Variants in RABGGTA observed in about 807,000 individuals in gnomAD.
The protein encoded by RABGGTA is Rab geranylgeranyltransferase subunit alpha, also known as geranylgeranyl transferase type-2 subunit alpha.
A neutral mutation model predicts 83.3 loss-of-function variants in RABGGTA; 69 were observed. The observed-to-expected ratio is 0.83, with a 90% confidence interval of 0.68 to 1.01. The LOEUF (loss-of-function observed/expected upper bound fraction) is 1.01. RABGGTA is among the 50% of genes least tolerant of loss of function. RABGGTA has a pLI of 0.00. For synonymous variants in RABGGTA, 310 were observed against 299.8 expected, an observed-to-expected ratio of 1.03 and a Z score of -0.35; for missense variants, 681 against 712.7, an observed-to-expected ratio of 0.96 and a Z score of 0.51.
chr14:24,267,573 A>G, intron 14 of RABGGTA, 87 bp downstream of exon 14: 1 of 1,046,292 alleles, frequency 9.6e-7, no homozygotes, highest in East Asian at 2.6e-5. Flanking sequence ...GAAGTCCACA[A>G]AGGCACCTGA....
At chr14:24,266,696 T>C (rs759280951) in intron 15 of RABGGTA, 80 bp downstream of exon 15, 3 of 1,374,750 alleles carry the variant, frequency 2.2e-6, no homozygotes, top group South Asian at 2.4e-5. Context: ...GCACATCTCC[T>C]TGTAGGATGG....
chr14:24,269,804 C>A (rs140037929), intron 5 of RABGGTA, 110 bp from the exon 6 acceptor site: 4 of 1,429,648 alleles, frequency 2.8e-6, no homozygotes, highest in Non-Finnish European at 3.8e-6. Flanking sequence ...GTGCACTCCA[C>A]GGAGGATGCA....
intron 13 of RABGGTA, 21 bp from the exon 14 acceptor site, chr14:24,267,797 A>G (rs1002565484): frequency 2.5e-6 from 4 of 1,611,880 alleles, no homozygotes; most frequent in Admixed American, 3.3e-5. Flanking sequence ...TGAGGTGGGC[A>G]GGGTATGCAT....
At chr14:24,265,840 G>A in intron 16 of RABGGTA, 77 bp from the exon 17 acceptor site, 1 of 1,485,884 alleles carries the variant, frequency 6.7e-7, no homozygotes, top group Non-Finnish European at 9.0e-7. Context: ...AAGAGCTGGG[G>A]ACTGCTGCCT....
At chr14:24,270,164 G>C (rs757989938) in intron 4 of RABGGTA, 24 bp from the exon 5 acceptor site, 3 of 1,591,176 alleles carry the variant, frequency 1.9e-6, no homozygotes, top group African/African-American at 2.7e-5. Flanking sequence ...GGAAGGGGGG[G>C]GTCAGGGCTC....
rs1198981275 is a variant in RABGGTA, at chr14:24,268,623, G to C, written c.901-4C>G. ...AGGCAGCAGGCAGGTCACAGAGCTGGGAGTACTGGGTCAAGGAAATGCCCC... is the reference window on the plus strand; with the variant it reads ...AGGCAGCAGGCAGGTCACAGAGCTGCGAGTACTGGGTCAAGGAAATGCCCC... On this transcript the variant is annotated splice_region_variant and splice_polypyrimidine_tract_variant and intron_variant, in intron 9 of 16. Coordinates refer to ENST00000216840, the MANE Select transcript of RABGGTA (RefSeq NM_182836.3). 1 of 1,613,616 alleles carries C rather than the reference G, an allele frequency of 6.2e-7. No homozygotes were observed. The highest frequency in any genetic ancestry group is 1.1e-5 in the South Asian group (1 of 91,078).
Position 24,265,621 on chromosome 14 carries a change from G to A in RABGGTA, c.1698C>T (p.Leu566=), listed in dbSNP as rs1007576483. Residue 566 remains leucine (L), a synonymous_variant, in exon 17 of 17, where the codon CTC becomes CTT. Coordinates refer to ENST00000216840, the MANE Select transcript of RABGGTA (RefSeq NM_182836.3). ...AELLPSVSSV[L]T Reference sequence around the variant, plus strand: ...GGGTAGGGGGCAGGGCCTCTTAGGTGAGGACGCTGCTAACTGAAGGCAGCA... The same window carrying A: ...GGGTAGGGGGCAGGGCCTCTTAGGTAAGGACGCTGCTAACTGAAGGCAGCA... The A allele has an allele frequency of 5.6e-6, 9 of 1,613,606 alleles. No homozygotes were observed. The African/African-American group carries it at 6.7e-5, about 12-fold the overall frequency.
At position 24,265,646 on chromosome 14, in the gene RABGGTA, A is replaced by G; in HGVS notation, c.1673T>C (p.Leu558Pro). ...AVGILEQLAE[L>P]LPSVSSVLT ...GAGGACGCTGCTAACTGAAGGCAGC[A>G]GTTCAGCCAGTTGCTCCAAGATGCC... Residue 558 changes from leucine to proline, a missense_variant, in exon 17 of 17, where the codon CTG becomes CCG. Around this residue, in one of 5 missense-constraint regions of RABGGTA, gnomAD observed 421 missense variants for 418.5 expected, o/e 1.01. Transcript: ENST00000216840. The G allele has an allele frequency of 6.2e-7, 1 of 1,613,768 alleles. No homozygotes were observed. Among genetic ancestry groups the G allele is most frequent in the East Asian group, 2.2e-5 (1 of 44,878 alleles).
At chr14:24,270,213 C>T (rs2139043211) in intron 4 of RABGGTA, 73 bp from the exon 5 acceptor site, 1 of 1,554,986 alleles carries the variant, frequency 6.4e-7, no homozygotes, top group Non-Finnish European at 8.7e-7. Context: ...ACTTTCTGCA[C>T]CCAGCCCCCT....
intron 5 of RABGGTA, 104 bp downstream of exon 5, chr14:24,269,848 GT>G: frequency 6.8e-7 from 1 of 1,468,986 alleles, no homozygotes; most frequent in Non-Finnish European, 9.3e-7. Context: ...CACCAGCTCA[GT>G]GGACCCATCC....
rs1388965224 is a variant in RABGGTA at position 24,270,957 on chromosome 14, T to C, written c.4-10A>G. The C allele has an allele frequency of 6.2e-7, 1 of 1,613,212 alleles. No individual in the cohort carries two copies. Among genetic ancestry groups the C allele is most frequent in the Admixed American group, 1.7e-5 (1 of 59,868 alleles). The stretch of plus-strand genomic sequence containing the variant: ...CCTTCAGGCGTCCGTGCTACAAGGA[T>C]GAACGGGTTGGAAGAGTGCAGGTTG... On this transcript the variant is annotated splice_polypyrimidine_tract_variant and intron_variant, in intron 2 of 16. Coordinates refer to ENST00000216840, the MANE Select transcript of RABGGTA (RefSeq NM_182836.3).
rs770007711 is a variant in RABGGTA, at chr14:24,265,753, C to T, written c.1566G>A (p.Gln522=). 6.2e-7 allele frequency: 1 copy of T among 1,608,202 alleles called. No homozygotes were observed. Among genetic ancestry groups the T allele is most frequent in the East Asian group, 2.2e-5 (1 of 44,766 alleles). The change falls in exon 17 of 17, where the codon CAG becomes CAA. Residue 522 remains glutamine, a synonymous_variant. Coordinates refer to ENST00000216840, the MANE Select transcript of RABGGTA (RefSeq NM_182836.3). ...ELLLCNNRLQ[Q]PAVLQPLASC... ...AGGCAAGAGGCTGGAGCACTGCAGGCTGCTGGAGGCCTTGTTCAGGAGAGT... is the reference window on the plus strand; with the variant it reads ...AGGCAAGAGGCTGGAGCACTGCAGGTTGCTGGAGGCCTTGTTCAGGAGAGT...
At chr14:24,266,685 T>C in intron 15 of RABGGTA, 91 bp downstream of exon 15, 1 of 1,324,200 alleles carries the variant, frequency 7.6e-7, no homozygotes, top group Non-Finnish European at 1.1e-6. Context: ...TGGAGGGTCC[T>C]GCACATCTCC....
rs1296815187 is a variant in RABGGTA, at chr14:24,269,960, C to T, written c.420G>A (p.Glu140=). 79 of 1,613,386 alleles carry T rather than the reference C, an allele frequency of 4.9e-5. No individual in the cohort carries two copies. Among genetic ancestry groups the T allele is most frequent in the Non-Finnish European group, 6.3e-5 (74 of 1,179,740 alleles). Residue 140 remains glutamate (E), a synonymous_variant, in exon 5 of 17, where the codon GAG becomes GAA. Transcript: ENST00000216840. ...ELCARFLEVD[E]RNFHCWDYRR... ...GAATCTGCAGCCACGTACAGTTCCG[C>T]TCATCCACCTCCAGGAAACGGGCAC...
At position 24,265,850 on chromosome 14, in the gene RABGGTA, TG is replaced by T. The variant is rs1026179037; in HGVS notation, c.1556-88del. On this transcript the variant is annotated intron_variant, in intron 16 of 16. Transcript: ENST00000216840. ...CCCTCAAGAGCTGGGGACTGCTGCC[TG>T]GAAGTCTGTTTGATGGGCATCTCAT... 2.4e-5 allele frequency: 35 copies of T among 1,467,002 alleles called. No homozygotes were observed. The African/African-American group carries it at 5.0e-4, about 21-fold the overall frequency. 90.9% of individuals were successfully genotyped at this position (1,467,002 alleles called of 1,614,324 possible).
chr14:24,269,386 T>G (rs754203589), intron 6 of RABGGTA, 105 bp downstream of exon 6: 269 of 1,338,048 alleles, frequency 2.0e-4, no homozygotes, highest in Non-Finnish European at 2.8e-4. Flanking sequence ...ACGCATGAAG[T>G]AGGTGCTCAA....
intron 16 of RABGGTA, 88 bp from the exon 17 acceptor site, chr14:24,265,851 G>A (rs181377786): frequency 1.3e-5 from 19 of 1,467,632 alleles, no homozygotes; most frequent in African/African-American, 8.5e-5. Context: ...ACTGCTGCCT[G>A]GAAGTCTGTT....
In RABGGTA at chr14:24,266,653, G is replaced by T. The variant is rs778245713; in HGVS notation, c.1467+123C>A. On this transcript the variant is annotated intron_variant, in intron 15 of 16. Transcript: ENST00000216840. ...TCAGGCTGCGTGATGGAGGTGGAAGGCACGCAGTTACCTGTTCGGGGTGGA... is the reference window on the plus strand; with the variant it reads ...TCAGGCTGCGTGATGGAGGTGGAAGTCACGCAGTTACCTGTTCGGGGTGGA... 7.5e-6 allele frequency: 9 copies of T among 1,199,606 alleles called. No homozygotes were observed. The East Asian group carries it at 2.1e-4, about 28-fold the overall frequency. The allele number at this position is 1,199,606 out of a possible 1,614,324, so 74.3% of individuals were successfully genotyped here. A position where few individuals can be genotyped will look rare whatever the true frequency, so the allele number is the denominator to read the frequency against.
chr14:24,271,413 T>C (rs530956567), intron 1 of RABGGTA, 74 bp downstream of exon 1: 23 of 317,520 alleles, frequency 7.2e-5, no homozygotes, highest in African/African-American at 3.8e-4. Context: ...GGGACCACTC[T>C]GCTCCCCAAA....
Sources: allele counts gnomAD v4.1 joint callset, GRCh38; gene constraint gnomAD v4.1.1; regional missense constraint gnomAD v4.1.1; transcripts MANE v1.5; gene names NCBI Gene and HGNC (gene_info 2026-07-23, HGNC 2026-07-21).